ATM: variants seen among roughly 807,000 people sequenced by gnomAD.
ATM encodes the protein serine-protein kinase ATM.
A neutral mutation model predicts 387.0 loss-of-function variants in ATM; 308 were observed. That is an observed-to-expected ratio of 0.80 (90% CI 0.73 to 0.87). ATM has a LOEUF of 0.87. ATM is among the 40% of genes least tolerant of loss of function. ATM has a pLI of 0.00. For missense variants in ATM, 3,312 were observed against 3,560.9 expected (o/e 0.93, Z 1.78); for synonymous variants, 1,156 against 1,187.3 (o/e 0.97, Z 0.54).
At chr11:108,297,506 C>G (rs2083192334) in intron 33 of ATM, 124 bp downstream of exon 33, 1 of 847,202 alleles carries the variant, frequency 1.2e-6, no homozygotes, top group African/African-American at 1.7e-5. Flanking sequence ...TAGTAACATG[C>G]TATACAGGTT....
intron 7 of ATM, among the ~76,000 whole-genome samples, chr11:108,245,960 G>T (rs1565373518): frequency 6.6e-6 from 1 of 151,782 alleles, no homozygotes; most frequent in Non-Finnish European, 1.5e-5. Flanking sequence ...GATTAGCTGG[G>T]ATTACAGATG....
intron 22 of ATM, among the ~76,000 whole-genome samples, chr11:108,278,977 A>G (rs946374025): frequency 1.3e-5 from 2 of 152,264 alleles, no homozygotes; most frequent in South Asian, 2.1e-4. Context: ...TTACTAAAAA[A>G]GGATAAAAGA....
At position 108,250,683 on chromosome 11, in the gene ATM, CTTTTTTT is replaced by C; in HGVS notation, c.1236-9_1236-3del. 6.6e-7 allele frequency: 1 copy of C among 1,505,082 alleles called. No individual in the cohort carries two copies. The highest frequency in any genetic ancestry group is 9.0e-7 in the Non-Finnish European group (1 of 1,116,708). 93.2% of individuals were successfully genotyped at this position (1,505,082 alleles called of 1,614,324 possible). ...GTGATGGAATAGTTTTCAAATTATCCTTTTTTTTTTTTTTTAGGCTACAGATTGCAAC... is the reference window on the plus strand; with the variant it reads ...GTGATGGAATAGTTTTCAAATTATCCTTTTTTTTAGGCTACAGATTGCAAC... On this transcript the variant is annotated splice_polypyrimidine_tract_variant and intron_variant, in intron 9 of 62. Coordinates refer to ENST00000675843, the MANE Select transcript of ATM (RefSeq NM_000051.4).
In ATM at chr11:108,263,855, C is replaced by G. The variant is rs1241370994; in HGVS notation, c.2467-3316C>G. Among the ~76,000 whole-genome samples, 65 of 151,246 alleles carry G rather than the reference C, an allele frequency of 4.3e-4. 2 individuals carry two copies. In the South Asian group the frequency reaches 0.013, roughly 31 times the overall value. On this transcript the variant is annotated intron_variant, in intron 16 of 62. Coordinates refer to ENST00000675843, the MANE Select transcript of ATM (RefSeq NM_000051.4). ...CCATCAGAGAATACTACAAACACCTCTACGCAAATAAACTAGAAAATCTAG... is the reference window on the plus strand; with the variant it reads ...CCATCAGAGAATACTACAAACACCTGTACGCAAATAAACTAGAAAATCTAG...
intron 45 of ATM, among the ~76,000 whole-genome samples, chr11:108,322,582 C>T (rs1019919755): frequency 1.3e-5 from 2 of 152,118 alleles, no homozygotes; most frequent in Non-Finnish European, 2.9e-5. Context: ...GGAAATGATC[C>T]AGGGATTTTG....
intron 9 of ATM, among the ~76,000 whole-genome samples, chr11:108,249,922 A>G (rs575925870): frequency 2.0e-5 from 3 of 152,190 alleles, no homozygotes; most frequent in South Asian, 4.1e-4. Flanking sequence ...AACACCTGTT[A>G]TGGGCTAAGC....
intron 47 of ATM, chr11:108,327,249 C>A: frequency 4.0e-6 from 1 of 247,958 alleles, no homozygotes; most frequent in Non-Finnish European, 7.9e-6. Context: ...TAGTATTGGC[C>A]CTGAAGTATG....
Position 108,315,916 on chromosome 11 carries a change from A to G in ATM, c.6095+5A>G, listed in dbSNP as rs757328753. ...GATGTTACAACCCATTACTAGGTAAATTGCATTTTTCTAAACAACGGTATA... is the reference window on the plus strand; with the variant it reads ...GATGTTACAACCCATTACTAGGTAAGTTGCATTTTTCTAAACAACGGTATA... On this transcript the variant is annotated splice_donor_5th_base_variant and intron_variant, in intron 41 of 62. Coordinates refer to ENST00000675843, the MANE Select transcript of ATM (RefSeq NM_000051.4). The G allele has an allele frequency of 9.3e-6, 15 of 1,610,242 alleles. No individual in the cohort carries two copies. Among genetic ancestry groups the G allele is most frequent in the African/African-American group, 1.3e-5 (1 of 74,812 alleles).
chr11:108,298,485 C>G (rs914335386), intron 33 of ATM, among the ~76,000 whole-genome samples: 3 of 152,178 alleles, frequency 2.0e-5, no homozygotes, highest in African/African-American at 7.2e-5. Flanking sequence ...TAGAAGTTTT[C>G]TTTAACCAAC....
chr11:108,312,538 C>G (rs377311701), intron 40 of ATM, 40 bp downstream of exon 40: 1 of 1,433,622 alleles, frequency 7.0e-7, no homozygotes, highest in Non-Finnish European at 9.8e-7. Flanking sequence ...CAGTATTTAT[C>G]TCATACTTTG....
intron 50 of ATM, 107 bp from the exon 51 acceptor site, chr11:108,331,337 C>T: frequency 3.4e-6 from 5 of 1,472,298 alleles, no homozygotes; most frequent in Admixed American, 2.4e-5. Context: ...TTTTGTTAAC[C>T]ACTTGTGCTA....
intron 15 of ATM, among the ~76,000 whole-genome samples, chr11:108,258,514 G>C (rs2080648537): frequency 6.6e-6 from 1 of 152,096 alleles, no homozygotes; most frequent in East Asian, 1.9e-4. Context: ...ATAACATTTG[G>C]TAGAAAGAGT....
chr11:108,281,317 C>T lies in ATM; in HGVS notation c.3576+149C>T, dbSNP rs1040738538. On this transcript the variant is annotated intron_variant, in intron 24 of 62. Transcript: ENST00000675843. ...TTGGGAATATTGGAAAGCAGTTATACAAAAACTATTCAAATGGTATATTTA... is the reference window on the plus strand; with the variant it reads ...TTGGGAATATTGGAAAGCAGTTATATAAAAACTATTCAAATGGTATATTTA... 10 of 798,352 alleles carry T rather than the reference C, an allele frequency of 1.3e-5. No individual in the cohort carries two copies. The South Asian group carries it at 1.6e-4, about 13-fold the overall frequency. 49.5% of individuals were successfully genotyped at this position (798,352 alleles called of 1,614,324 possible).
In ATM at chr11:108,251,070, A is replaced by G. The variant is rs1060504290; in HGVS notation, c.1605A>G (p.Ser535=). The change falls in exon 10 of 63, where the codon TCA becomes TCG. Residue 535 remains serine, a splice_region_variant and synonymous_variant. Transcript: ENST00000675843. ...TTACTGGGTCAGCCTGCAGACCTTC[A>G]TGGTAAGTTCAGCATGCATTATGTC... ...KLFTGSACRP[S]CPAVCCLTLA... is the part of the protein sequence containing the mutation. 6 of 1,614,062 alleles carry G rather than the reference A, an allele frequency of 3.7e-6. No homozygotes were observed. Among genetic ancestry groups the G allele is most frequent in the Non-Finnish European group, 5.1e-6 (6 of 1,180,022 alleles).
intron 61 of ATM, among the ~76,000 whole-genome samples, chr11:108,361,915 A>C (rs2090812202): frequency 6.8e-6 from 1 of 148,012 alleles, no homozygotes. Context: ...AAAACACCAA[A>C]AGCAATGGCA....
rs1273181314 is a variant in ATM at position 108,251,887 on chromosome 11, G to A, written c.1658G>A (p.Gly553Glu). 2 of 1,613,886 alleles carry A rather than the reference G, an allele frequency of 1.2e-6. No homozygotes were observed. Among genetic ancestry groups the A allele is most frequent in the Non-Finnish European group, 1.7e-6 (2 of 1,179,844 alleles). Residue 553 changes from glycine to glutamate, a missense_variant, in exon 11 of 63, where the codon GGA becomes GAA. Around this residue, in one of 4 missense-constraint regions of ATM, gnomAD observed 1,791 missense variants for 1,804.5 expected, o/e 0.99. Coordinates refer to ENST00000675843, the MANE Select transcript of ATM (RefSeq NM_000051.4). Reference sequence around the variant, plus strand: ...GCACTGACCACCAGTATAGTTCCAGGAACGGTAAAAATGGGAATAGAGCAA... The same window carrying A: ...GCACTGACCACCAGTATAGTTCCAGAAACGGTAAAAATGGGAATAGAGCAA... Reference protein sequence around the residue: ...TLALTTSIVPGTVKMGIEQNM... With the variant: ...TLALTTSIVPETVKMGIEQNM...
Position 108,271,307 on chromosome 11 carries a change from A to G in ATM, c.2978A>G (p.His993Arg), listed in dbSNP as rs878853498. Residue 993 changes from histidine (H) to arginine (R), a missense_variant, in exon 20 of 63, where the codon CAT becomes CGT. Physicochemically the swap from His to Arg is conservative, Grantham distance 29 (BLOSUM62 0). Coordinates refer to ENST00000675843, the MANE Select transcript of ATM (RefSeq NM_000051.4). ...GATGTTTGTAAAACTATTTTAAACC[A>G]TGTCCTTCATGTAGTGAAAAACCTA... is the stretch of plus-strand genomic sequence containing the variant. ...DQDVCKTILN[H>R]VLHVVKNLGQ... is the part of the protein sequence containing the mutation. 1.2e-6 allele frequency: 2 copies of G among 1,613,602 alleles called. No individual in the cohort carries two copies. Among genetic ancestry groups the G allele is most frequent in the East Asian group, 2.2e-5 (1 of 44,816 alleles).
In ATM at chr11:108,229,144, C is replaced by T. The variant is rs371745892; in HGVS notation, c.186-34C>T. ...AAATTATTATAATTTAAGTATTCAACGAGTTTCTGAAATTGCATTTTGTTT... is the reference window on the plus strand; with the variant it reads ...AAATTATTATAATTTAAGTATTCAATGAGTTTCTGAAATTGCATTTTGTTT... On this transcript the variant is annotated intron_variant, in intron 3 of 62. Transcript: ENST00000675843. 119 of 1,589,826 alleles carry T rather than the reference C, an allele frequency of 7.5e-5. No homozygotes were observed. The highest frequency in any genetic ancestry group is 3.1e-4 in the African/African-American group (23 of 74,192).
At chr11:108,317,835 T>A (rs1222946089) in intron 43 of ATM, among the ~76,000 whole-genome samples, 3 of 151,490 alleles carry the variant, frequency 2.0e-5, no homozygotes, top group Non-Finnish European at 2.9e-5. Context: ...CTTATTCCAT[T>A]AGGACAACTT....
Sources: allele counts gnomAD v4.1 joint callset (sites outside exome capture counted in the v4.1 genomes callset), GRCh38; gene constraint gnomAD v4.1.1; regional missense constraint gnomAD v4.1.1; transcripts MANE v1.5; gene names NCBI Gene and HGNC (gene_info 2026-07-23, HGNC 2026-07-21).